GKAP1: variants seen among roughly 807,000 people sequenced by gnomAD.
GKAP1 encodes G kinase-anchoring protein 1.
A neutral mutation model predicts 56.7 loss-of-function variants in GKAP1; 31 were observed. The ratio of observed to expected loss-of-function variants is 0.55; its 90% confidence interval spans 0.41 to 0.74. GKAP1 has a LOEUF of 0.74. Ranked by LOEUF, GKAP1 falls within the 30% of genes least tolerant of loss-of-function variation. The probability of loss-of-function intolerance (pLI) is 0.00; values close to 1 mark genes in which losing one functional copy is unlikely to be tolerated. For synonymous variants in GKAP1, 151 were observed against 138.6 expected, an observed-to-expected ratio of 1.09 and a Z score of -0.63; for missense variants, 364 against 402.3, an observed-to-expected ratio of 0.90 and a Z score of 0.82.
At chr9:83,782,080 G>A (rs1478358161) in intron 6 of GKAP1, among the ~76,000 whole-genome samples, 3 of 151,836 alleles carry the variant, frequency 2.0e-5, no homozygotes, top group African/African-American at 4.8e-5. Flanking sequence ...CTAACCTCGT[G>A]ATCCGCCCAC....
intron 2 of GKAP1, among the ~76,000 whole-genome samples, chr9:83,815,451 C>CT (rs1298704553): frequency 6.6e-6 from 1 of 151,608 alleles, no homozygotes; most frequent in African/African-American, 2.4e-5. Flanking sequence ...GTCTTGGCCT[C>CT]TATCAAGGTT....
At chr9:83,746,989 A>C (rs1943306000) in intron 10 of GKAP1, among the ~76,000 whole-genome samples, 1 of 152,190 alleles carries the variant, frequency 6.6e-6, no homozygotes, top group Admixed American at 6.5e-5. Context: ...ACAATTTCTT[A>C]AGAGCTATAC....
rs572602111 is a variant in GKAP1, at chr9:83,745,175, C to T, written c.905-2575G>A. Among the ~76,000 whole-genome samples the T allele has an allele frequency of 3.6e-4, 55 of 152,176 alleles. 2 individuals carry two copies. The South Asian group carries it at 0.011, about 29-fold the overall frequency. On this transcript the variant is annotated intron_variant, in intron 10 of 12. Coordinates refer to ENST00000376371, the MANE Select transcript of GKAP1 (RefSeq NM_025211.4). ...CCTTCCAAGCAGCTGGGACCATAGG[C>T]GTGCACCACCATGCCAGGATAATTT...
intron 2 of GKAP1, 56 bp from the exon 3 acceptor site, chr9:83,806,616 G>T: frequency 2.0e-6 from 2 of 977,552 alleles, no homozygotes; most frequent in Non-Finnish European, 3.0e-6. Flanking sequence ...AAAATCTGTT[G>T]TAGATTCTAA....
chr9:83,744,457 A>T (rs1473486442), intron 10 of GKAP1, among the ~76,000 whole-genome samples: 1 of 152,198 alleles, frequency 6.6e-6, no homozygotes, highest in African/African-American at 2.4e-5. Context: ...TGCAGCAGTA[A>T]CACACAAGCT....
intron 3 of GKAP1, among the ~76,000 whole-genome samples, chr9:83,801,663 A>G (rs1944333623): frequency 6.6e-6 from 1 of 152,196 alleles, no homozygotes; most frequent in South Asian, 2.1e-4. Context: ...GGCTTATAGA[A>G]CTGCAAATGG....
Position 83,748,365 on chromosome 9 carries a change from T to G in GKAP1, c.848A>C (p.Tyr283Ser). 2 of 1,569,456 alleles carry G rather than the reference T, an allele frequency of 1.3e-6. No homozygotes were observed. Among genetic ancestry groups the G allele is most frequent in the Non-Finnish European group, 1.7e-6 (2 of 1,152,070 alleles). Residue 283 changes from tyrosine to serine, a missense_variant, in exon 10 of 13, where the codon TAT becomes TCT. Physicochemically the swap from Tyr to Ser is moderately radical, Grantham distance 144 (BLOSUM62 -2). Coordinates refer to ENST00000376371, the MANE Select transcript of GKAP1 (RefSeq NM_025211.4). ...KNVITQWEAKYKEVKARNAQL... is the reference protein window; with the variant it reads ...KNVITQWEAKSKEVKARNAQL... ...TGCATTTCTTGCCTTTACTTCCTTA[T>G]ACTTTGCCTAATAGTCAAAGAAAAA...
intron 7 of GKAP1, among the ~76,000 whole-genome samples, chr9:83,774,805 G>C (rs1192665161): frequency 1.4e-5 from 2 of 147,948 alleles, no homozygotes; most frequent in Non-Finnish European, 3.0e-5. Flanking sequence ...CACCTCCCGG[G>C]TTCAGGCGAT....
intron 10 of GKAP1, among the ~76,000 whole-genome samples, chr9:83,745,485 C>T (rs1943277634): frequency 6.6e-6 from 1 of 152,160 alleles, no homozygotes; most frequent in Non-Finnish European, 1.5e-5. Flanking sequence ...ATGCTATGGA[C>T]ACTGTTGTTA....
intron 7 of GKAP1, among the ~76,000 whole-genome samples, chr9:83,776,971 GAC>G (rs1401860751): frequency 1.3e-5 from 2 of 152,204 alleles, no homozygotes; most frequent in African/African-American, 2.4e-5. Flanking sequence ...AGGTTGTAGA[GAC>G]AGATAGGACT....
intron 3 of GKAP1, 58 bp from the exon 4 acceptor site, chr9:83,799,386 ATTTT>A (rs1429329409): frequency 8.3e-7 from 1 of 1,207,714 alleles, no homozygotes; most frequent in Non-Finnish European, 1.2e-6. Context: ...GATACTAATG[ATTTT>A]TTTAATTAAA....
intron 10 of GKAP1, among the ~76,000 whole-genome samples, chr9:83,744,155 C>G (rs1943252517): frequency 6.6e-6 from 1 of 152,170 alleles, no homozygotes; most frequent in Non-Finnish European, 1.5e-5. Flanking sequence ...CCTCCATCCC[C>G]AGGATTATAA....
At chr9:83,802,419 T>C (rs1342652734) in intron 3 of GKAP1, among the ~76,000 whole-genome samples, 1 of 137,296 alleles carries the variant, frequency 7.3e-6, no homozygotes, top group South Asian at 2.4e-4. Context: ...GCAGAGGAGG[T>C]TGCAGTGAGC....
intron 4 of GKAP1, among the ~76,000 whole-genome samples, chr9:83,797,641 G>A (rs539580577): frequency 2.2e-4 from 33 of 152,232 alleles, no homozygotes; most frequent in African/African-American, 5.8e-4. Context: ...GGCCTTCAAC[G>A]GCATCCTTAT....
intron 3 of GKAP1, among the ~76,000 whole-genome samples, chr9:83,803,834 A>G (rs1944376796): frequency 2.8e-5 from 4 of 143,080 alleles, no homozygotes; most frequent in Non-Finnish European, 6.1e-5. Flanking sequence ...CAGCCATCCC[A>G]TCTGGGAAGT....
At chr9:83,802,536 A>G (rs295293) in intron 3 of GKAP1, among the ~76,000 whole-genome samples, 68,308 of 151,178 alleles carry the variant, frequency 0.45, 16,362 homozygotes, top group African/African-American at 0.61. Flanking sequence ...CATTCAATGC[A>G]AGTTACAGAG....
chr9:83,779,586 C>T (rs866442831), intron 7 of GKAP1, among the ~76,000 whole-genome samples: 4 of 121,918 alleles, frequency 3.3e-5, no homozygotes, highest in East Asian at 2.6e-4. Flanking sequence ...TATATATACA[C>T]GTATATGTGT....
chr9:83,780,316 T>C lies in GKAP1; in HGVS notation c.585+66A>G, dbSNP rs980241113. 9 of 920,524 alleles carry C rather than the reference T, an allele frequency of 9.8e-6. No homozygotes were observed. In the African/African-American group the frequency reaches 1.0e-4, roughly 11 times the overall value. The allele number at this position is 920,524 out of a possible 1,614,324, so 57.0% of individuals were successfully genotyped here. A position where few individuals can be genotyped will look rare whatever the true frequency, so the allele number is the denominator to read the frequency against. Reference sequence around the variant, plus strand: ...TTATGTCTCAAAAAAGACTTACTGCTAAGTATTTAAGTATTATTCTTAAAA... The same window carrying C: ...TTATGTCTCAAAAAAGACTTACTGCCAAGTATTTAAGTATTATTCTTAAAA... On this transcript the variant is annotated intron_variant, in intron 7 of 12. Coordinates refer to ENST00000376371, the MANE Select transcript of GKAP1 (RefSeq NM_025211.4).
intron 7 of GKAP1, among the ~76,000 whole-genome samples, chr9:83,771,746 T>C (rs1017057809): frequency 2.0e-5 from 3 of 152,224 alleles, no homozygotes; most frequent in Non-Finnish European, 4.4e-5. Context: ...AGTATATTCT[T>C]GTAAGATTTT....
Sources: allele counts gnomAD v4.1 joint callset (sites outside exome capture counted in the v4.1 genomes callset), GRCh38; gene constraint gnomAD v4.1.1; transcripts MANE v1.5; gene names NCBI Gene and HGNC (gene_info 2026-07-23, HGNC 2026-07-21).